The following SAMMSON variants were observed in gnomAD, a reference collection of about 807,000 sequenced individuals.
The protein encoded by SAMMSON is survival associated mitochondrial melanoma specific oncogenic non-coding RNA.
chr3:70,265,414 G>T (rs1394177878), intron 6 of SAMMSON, among the ~76,000 whole-genome samples: 1 of 152,112 alleles, frequency 6.6e-6, no homozygotes, highest in Non-Finnish European at 1.5e-5. Context: ...TGCAGAGAAG[G>T]CAGGAAATCT....
chr3:70,189,879 G>A (rs899902480), intron 4 of SAMMSON, among the ~76,000 whole-genome samples: 1 of 152,178 alleles, frequency 6.6e-6, no homozygotes, highest in Non-Finnish European at 1.5e-5. Flanking sequence ...ATCACTTGCT[G>A]CAGCTCCAGC....
At chr3:70,036,833 G>A (rs993675949) in intron 3 of SAMMSON, among the ~76,000 whole-genome samples, 4 of 151,900 alleles carry the variant, frequency 2.6e-5, no homozygotes, top group African/African-American at 7.3e-5. Context: ...TTGCTGTGAG[G>A]AATATTCTTA....
intron 7 of SAMMSON, among the ~76,000 whole-genome samples, chr3:70,335,924 A>G (rs1422088817): frequency 6.6e-6 from 1 of 151,946 alleles, no homozygotes; most frequent in African/African-American, 2.4e-5. Flanking sequence ...TGGAAAAAAA[A>G]AGAGAATTCA....
At chr3:70,426,743 G>A (rs1438479307) in intron 2 of SAMMSON, among the ~76,000 whole-genome samples, 1 of 152,160 alleles carries the variant, frequency 6.6e-6, no homozygotes, top group Non-Finnish European at 1.5e-5. Context: ...TTTTTTGTAT[G>A]CTCTGAACAA....
chr3:70,007,489 CTGTT>C (rs1342330437), intron 1 of SAMMSON, among the ~76,000 whole-genome samples: 1 of 151,834 alleles, frequency 6.6e-6, no homozygotes, highest in Non-Finnish European at 1.5e-5. Context: ...TTTGATGGGG[CTGTT>C]TGTTTTTTTC....
chr3:70,153,371 A>T (rs1467014382), intron 4 of SAMMSON, among the ~76,000 whole-genome samples: 2 of 151,944 alleles, frequency 1.3e-5, no homozygotes, highest in East Asian at 2.0e-4. Context: ...AATGCTCAGG[A>T]TTTTCTGTTT....
intron 7 of SAMMSON, among the ~76,000 whole-genome samples, chr3:70,350,610 T>C (rs1391791359): frequency 6.6e-6 from 1 of 152,106 alleles, no homozygotes; most frequent in Non-Finnish European, 1.5e-5. Flanking sequence ...TATAAAACTA[T>C]TTTATGTATG....
chr3:70,248,394 G>A (rs768333795), intron 4 of SAMMSON, among the ~76,000 whole-genome samples: 1 of 152,094 alleles, frequency 6.6e-6, no homozygotes, highest in South Asian at 2.1e-4. Flanking sequence ...TTGCCAAAAA[G>A]TGTTGGGTTA....
chr3:70,148,082 A>G (rs1338619421), intron 4 of SAMMSON, among the ~76,000 whole-genome samples: 2 of 152,120 alleles, frequency 1.3e-5, no homozygotes, highest in African/African-American at 4.8e-5. Flanking sequence ...CCAAGATCAG[A>G]TGCCACTATA....
At chr3:70,250,313 T>C (rs1012514834) in intron 6 of SAMMSON, among the ~76,000 whole-genome samples, 54 of 152,228 alleles carry the variant, frequency 3.5e-4, no homozygotes, top group African/African-American at 1.2e-3. Flanking sequence ...TAACTTGTAA[T>C]TTTACTATTG....
At chr3:70,041,409 G>T (rs1461489074) in intron 3 of SAMMSON, among the ~76,000 whole-genome samples, 1 of 152,048 alleles carries the variant, frequency 6.6e-6, no homozygotes, top group African/African-American at 2.4e-5. Context: ...TTCACAATTT[G>T]CCTTTCAAGG....
At chr3:70,369,147 C>A (rs1453361647) in intron 9 of SAMMSON, among the ~76,000 whole-genome samples, 3 of 151,446 alleles carry the variant, frequency 2.0e-5, no homozygotes, top group Non-Finnish European at 4.4e-5. Flanking sequence ...TATTTGTAAT[C>A]TTTCTAACTC....
At chr3:70,343,619 G>T (rs1702728584) in intron 7 of SAMMSON, among the ~76,000 whole-genome samples, 1 of 152,030 alleles carries the variant, frequency 6.6e-6, no homozygotes, top group Non-Finnish European at 1.5e-5. Context: ...GTTGACATTA[G>T]CCTTGATCAC....
chr3:70,430,226 A>T, intron 2 of SAMMSON, among the ~76,000 whole-genome samples: 1 of 152,218 alleles, frequency 6.6e-6, no homozygotes, highest in East Asian at 1.9e-4. Context: ...TGAGATAATC[A>T]TGTGGTTTTT....
chr3:70,331,986 G>A (rs1363016474), intron 7 of SAMMSON, among the ~76,000 whole-genome samples: 1 of 152,218 alleles, frequency 6.6e-6, no homozygotes, highest in Non-Finnish European at 1.5e-5. Context: ...GGGAAGTGTG[G>A]CATTAGTGAA....
At chr3:70,323,621 G>T (rs992501880) in intron 7 of SAMMSON, among the ~76,000 whole-genome samples, 1 of 152,144 alleles carries the variant, frequency 6.6e-6, no homozygotes, top group Non-Finnish European at 1.5e-5. Context: ...TTTCCAGCTA[G>T]GGAGGGCCAC....
intron 2 of SAMMSON, among the ~76,000 whole-genome samples, chr3:70,413,049 C>T (rs906696411): frequency 1.3e-5 from 2 of 151,908 alleles, no homozygotes; most frequent in Non-Finnish European, 2.9e-5. Flanking sequence ...AAGAAAATAA[C>T]CTTAAAAGAA....
intron 4 of SAMMSON, among the ~76,000 whole-genome samples, chr3:70,109,490 A>G (rs1015510431): frequency 6.6e-6 from 1 of 152,202 alleles, no homozygotes; most frequent in Non-Finnish European, 1.5e-5. Context: ...AGCCAACTTA[A>G]AAATGGTGTA....
chr3:70,028,952 A>G (rs2067053696), intron 3 of SAMMSON, among the ~76,000 whole-genome samples: 1 of 152,226 alleles, frequency 6.6e-6, no homozygotes, highest in Non-Finnish European at 1.5e-5. Context: ...CCATTTGACA[A>G]GTGAGCAGTC....
Sources: gnomAD v4.1 joint callset for allele counts (sites outside exome capture counted in the v4.1 genomes callset) on GRCh38, gnomAD v4.1.1 for gene constraint, MANE v1.5 for transcripts, NCBI Gene and HGNC (gene_info 2026-07-23, HGNC 2026-07-21) for gene names.